Variants in TLL1 observed in about 807,000 individuals in gnomAD.
The protein encoded by TLL1 is tolloid-like protein 1.
In TLL1, 49 loss-of-function variants were observed where a neutral mutation model predicts 128.2. The ratio of observed to expected loss-of-function variants is 0.38; its 90% CI spans 0.30 to 0.48. TLL1 has a LOEUF of 0.48. Ranked by LOEUF, TLL1 falls within the 20% of genes least tolerant of loss-of-function variation. TLL1 has a pLI of 0.96. For synonymous variants in TLL1, 454 were observed against 418.8 expected (o/e 1.08, Z -1.03); for missense variants, 1,123 against 1,242.0 (o/e 0.90, Z 1.44).
At chr4:166,086,456 T>G (rs1164941984) in intron 18 of TLL1, among the ~76,000 whole-genome samples, 2 of 152,096 alleles carry the variant, frequency 1.3e-5, no homozygotes, top group African/African-American at 4.8e-5. Flanking sequence ...CATTGATTGA[T>G]TCACCTGGGA....
intron 1 of TLL1, among the ~76,000 whole-genome samples, chr4:165,896,345 G>T (rs1267468506): frequency 6.6e-6 from 1 of 152,076 alleles, no homozygotes; most frequent in African/African-American, 2.4e-5. Context: ...ATGGGCATTT[G>T]GGTTGGTTCC....
intron 1 of TLL1, among the ~76,000 whole-genome samples, chr4:165,963,895 G>T (rs1381544957): frequency 6.6e-6 from 1 of 152,074 alleles, no homozygotes; most frequent in Non-Finnish European, 1.5e-5. Flanking sequence ...CAGTTCAGCT[G>T]CACGTTATTA....
intron 8 of TLL1, among the ~76,000 whole-genome samples, chr4:166,022,827 G>C (rs2111065381): frequency 6.6e-6 from 1 of 152,284 alleles, no homozygotes; most frequent in East Asian, 1.9e-4. Context: ...TGGATCACAT[G>C]ATATAAGGTT....
At chr4:166,022,823 A>C (rs985316475) in intron 8 of TLL1, among the ~76,000 whole-genome samples, 2 of 152,218 alleles carry the variant, frequency 1.3e-5, no homozygotes. Context: ...AAGATGGATC[A>C]CATGATATAA....
intron 19 of TLL1, among the ~76,000 whole-genome samples, chr4:166,091,769 T>C (rs1741789867): frequency 6.6e-6 from 1 of 152,106 alleles, no homozygotes; most frequent in Non-Finnish European, 1.5e-5. Context: ...TATATTTTTA[T>C]AAATAAGTTT....
chr4:166,091,175 C>A lies in TLL1; in HGVS notation c.2490C>A (p.Asp830Glu). ...AGCAGCATCAAGAATGTGCTTATGACCACTTAGAAGTATTTGATGGAGAAA... is the reference window on the plus strand; with the variant it reads ...AGCAGCATCAAGAATGTGCTTATGAACACTTAGAAGTATTTGATGGAGAAA... ...EIEQHQECAY[D>E]HLEVFDGETE... The change falls in exon 19 of 21, where the codon GAC becomes GAA. Residue 830 changes from aspartate (D) to glutamate (E), a missense_variant. Physicochemically the swap from Asp to Glu is conservative, Grantham distance 45 (BLOSUM62 2). Coordinates refer to ENST00000061240, the MANE Select transcript of TLL1 (RefSeq NM_012464.5). 3 of 1,613,100 alleles carry A rather than the reference C, an allele frequency of 1.9e-6. No homozygotes were observed. Among genetic ancestry groups the A allele is most frequent in the Non-Finnish European group, 2.5e-6 (3 of 1,179,466 alleles).
chr4:165,981,157 T>C (rs1190009244), intron 1 of TLL1, among the ~76,000 whole-genome samples: 5 of 152,086 alleles, frequency 3.3e-5, no homozygotes, highest in African/African-American at 7.2e-5. Flanking sequence ...AGAGTTTTTT[T>C]CCCCCATGGT....
chr4:166,088,831 C>T (rs2654491), intron 18 of TLL1, among the ~76,000 whole-genome samples: 148,465 of 152,154 alleles, frequency 0.98, 72,548 homozygotes, highest in East Asian at 1. Flanking sequence ...GGTGTTGCTC[C>T]GTTCTGTTAA....
intron 1 of TLL1, among the ~76,000 whole-genome samples, chr4:165,896,675 G>A (rs1182956060): frequency 1.3e-5 from 2 of 151,882 alleles, no homozygotes; most frequent in Non-Finnish European, 2.9e-5. Context: ...AGTAGAGACA[G>A]GGTTTCACTG....
intron 15 of TLL1, among the ~76,000 whole-genome samples, chr4:166,064,086 CATT>C (rs1275906839): frequency 6.6e-6 from 1 of 151,714 alleles, no homozygotes; most frequent in Non-Finnish European, 1.5e-5. Flanking sequence ...TTCTTTTTAA[CATT>C]ATGTGTAAGT....
intron 15 of TLL1, among the ~76,000 whole-genome samples, chr4:166,061,382 G>A (rs1740307176): frequency 1.3e-5 from 2 of 151,832 alleles, no homozygotes; most frequent in Admixed American, 1.3e-4. Context: ...GAATAGCTGG[G>A]ATTACAGGCA....
intron 1 of TLL1, among the ~76,000 whole-genome samples, chr4:165,947,646 T>A (rs1734320893): frequency 6.6e-6 from 1 of 152,132 alleles, no homozygotes. Context: ...GATCAGAGTA[T>A]TTAGTTACAT....
chr4:166,030,811 T>A (rs758632094), intron 9 of TLL1: 151 of 1,044,914 alleles, frequency 1.4e-4, no homozygotes, highest in Non-Finnish European at 1.6e-4. Flanking sequence ...TGCCTATAGC[T>A]TACATTATAG....
intron 1 of TLL1, among the ~76,000 whole-genome samples, chr4:165,946,125 A>G (rs151162048): frequency 1.3e-5 from 2 of 152,214 alleles, no homozygotes; most frequent in Admixed American, 1.3e-4. Context: ...ATGACAGCCA[A>G]AGAACTGGGA....
At chr4:165,926,623 A>G (rs1733281769) in intron 1 of TLL1, among the ~76,000 whole-genome samples, 2 of 152,248 alleles carry the variant, frequency 1.3e-5, no homozygotes, top group East Asian at 1.9e-4. Flanking sequence ...CTCGAGTTCC[A>G]TGTATCCCTG....
chr4:165,897,875 T>C (rs1731758990), intron 1 of TLL1, among the ~76,000 whole-genome samples: 1 of 152,142 alleles, frequency 6.6e-6, no homozygotes, highest in African/African-American at 2.4e-5. Flanking sequence ...GGAATGTTTT[T>C]CCATTTGATT....
At position 165,959,919 on chromosome 4, in the gene TLL1, A is replaced by G. The variant is rs965871412; in HGVS notation, c.170-29462A>G. Reference sequence around the variant, plus strand: ...TATCTCAAATTAATGATCAAATATCACACCAAAGGAACTAAAGAAACAAGA... The same window carrying G: ...TATCTCAAATTAATGATCAAATATCGCACCAAAGGAACTAAAGAAACAAGA... On this transcript the variant is annotated intron_variant, in intron 1 of 20. Transcript: ENST00000061240. Among the ~76,000 whole-genome samples the G allele has an allele frequency of 2.6e-4, 40 of 152,118 alleles. 1 individual carries two copies. The highest frequency in any genetic ancestry group is 9.8e-4 in the Admixed American group (15 of 15,242).
chr4:166,067,889 A>C (rs562640699), intron 16 of TLL1, among the ~76,000 whole-genome samples: 27 of 151,922 alleles, frequency 1.8e-4, no homozygotes, highest in Non-Finnish European at 4.0e-4. Context: ...CAGAGCATTT[A>C]AACCTAGTAT....
intron 1 of TLL1, among the ~76,000 whole-genome samples, chr4:165,886,544 T>C (rs1238209443): frequency 6.6e-6 from 1 of 152,150 alleles, no homozygotes; most frequent in Non-Finnish European, 1.5e-5. Context: ...ACAGTCTCCC[T>C]TGGTATTCAT....
Sources: allele counts gnomAD v4.1 joint callset (sites outside exome capture counted in the v4.1 genomes callset), GRCh38; gene constraint gnomAD v4.1.1; transcripts MANE v1.5; gene names NCBI Gene and HGNC (gene_info 2026-07-23, HGNC 2026-07-21).